Variants in ITGA1 observed in about 807,000 individuals in gnomAD.
ITGA1 encodes integrin alpha-1.
ITGA1 carries 85 observed loss-of-function variants against 145.9 expected under a neutral mutation model. That is an observed-to-expected ratio of 0.58 (90% CI 0.49 to 0.70). The LOEUF is 0.70. Among genes scored for constraint, ITGA1 ranks in the 30% least tolerant of loss-of-function variants. The probability of loss-of-function intolerance (pLI) is 0.00; values close to 1 mark genes in which losing one functional copy is unlikely to be tolerated. For synonymous variants in ITGA1, 520 were observed against 495.3 expected (o/e 1.05, Z -0.66); for missense variants, 1,351 against 1,418.7 (o/e 0.95, Z 0.77).
chr5:52,938,769 A>G (rs1751009083), intron 24 of ITGA1, among the ~76,000 whole-genome samples: 1 of 152,180 alleles, frequency 6.6e-6, no homozygotes, highest in Non-Finnish European at 1.5e-5. Context: ...TCTACCTCCC[A>G]TGTAGACTGA....
In ITGA1 at chr5:52,959,126, G is replaced by A. The variant is rs1025008643; in HGVS notation, c.*6675G>A. 6.6e-6 allele frequency: 1 copy of A among 152,056 alleles called. No homozygotes were observed. The highest frequency in any genetic ancestry group is 1.5e-5 in the Non-Finnish European group (1 of 67,990). 9.4% of individuals were successfully genotyped at this position (152,056 alleles called of 1,614,324 possible). On this transcript the variant is annotated 3_prime_UTR_variant, in exon 29 of 29. Transcript: ENST00000282588. ...ATTTTTGTATAATTCTGTCTTATCTGGTGCATCAGCTGTGTATTTTACGTC... is the reference window on the plus strand; with the variant it reads ...ATTTTTGTATAATTCTGTCTTATCTAGTGCATCAGCTGTGTATTTTACGTC...
At chr5:52,919,878 T>G (rs1036118913) in intron 16 of ITGA1, among the ~76,000 whole-genome samples, 2 of 152,136 alleles carry the variant, frequency 1.3e-5, no homozygotes. Context: ...AATGTCATTT[T>G]ATATATAAAT....
chr5:52,879,970 A>C, intron 6 of ITGA1, among the ~76,000 whole-genome samples: 1 of 152,336 alleles, frequency 6.6e-6, no homozygotes, highest in Non-Finnish European at 1.5e-5. Flanking sequence ...ATTTTTTACA[A>C]AATATGATAT....
rs768799490 is a variant in ITGA1, at chr5:52,933,931, G to A, written c.2899G>A (p.Glu967Lys). The A allele has an allele frequency of 5.9e-6, 9 of 1,537,684 alleles. No homozygotes were observed. Among genetic ancestry groups the A allele is most frequent in the Non-Finnish European group, 7.9e-6 (9 of 1,138,472 alleles). The change falls in exon 23 of 29, where the codon GAG (glutamate) becomes AAG (lysine). Residue 967 changes from glutamate to lysine, a missense_variant. Transcript: ENST00000282588. ...ATACCACATTTCAATTGCTGCCAAT[G>A]AGACAGTCCCTGAAGTTATTAATTC... ...SEYHISIAAN[E>K]TVPEVINSTE...
At chr5:52,818,450 G>A (rs889287420) in intron 1 of ITGA1, among the ~76,000 whole-genome samples, 3 of 152,194 alleles carry the variant, frequency 2.0e-5, no homozygotes, top group Non-Finnish European at 2.9e-5. Context: ...TTCCTGGGAA[G>A]TATATTCAAG....
At chr5:52,884,352 C>A (rs1234482076) in intron 7 of ITGA1, among the ~76,000 whole-genome samples, 1 of 151,354 alleles carries the variant, frequency 6.6e-6, no homozygotes, top group Non-Finnish European at 1.5e-5. Context: ...GAGGCTGAGG[C>A]AGGAGAAGCG....
At chr5:52,894,703 G>A (rs1249550189) in intron 9 of ITGA1, among the ~76,000 whole-genome samples, 1 of 152,006 alleles carries the variant, frequency 6.6e-6, no homozygotes, top group East Asian at 1.9e-4. Flanking sequence ...TCCTTGTGAG[G>A]ACACACTGAA....
chr5:52,814,359 A>G (rs1471976146), intron 1 of ITGA1, among the ~76,000 whole-genome samples: 1 of 152,076 alleles, frequency 6.6e-6, no homozygotes, highest in Non-Finnish European at 1.5e-5. Flanking sequence ...GCTGGTCTCA[A>G]ACTTCTAACC....
At chr5:52,809,147 T>A (rs1748644519) in intron 1 of ITGA1, among the ~76,000 whole-genome samples, 1 of 152,198 alleles carries the variant, frequency 6.6e-6, no homozygotes, top group African/African-American at 2.4e-5. Context: ...TCTTCCTGCC[T>A]TTCTTCTTCT....
In ITGA1 at chr5:52,925,388, G is replaced by T; in HGVS notation, c.2514G>T (p.Lys838Asn). 1.9e-6 allele frequency: 3 copies of T among 1,614,040 alleles called. No individual in the cohort carries two copies. The highest frequency in any genetic ancestry group is 2.2e-5 in the South Asian group (2 of 91,084). Residue 838 changes from lysine (K) to asparagine (N), a missense_variant, in exon 19 of 29, where the codon AAG becomes AAT. Coordinates refer to ENST00000282588, the MANE Select transcript of ITGA1 (RefSeq NM_181501.2). ...TGATTGTCCGATCCCAGAATGATAA[G>T]TTCAACGTTAGCCTCACAGTCAAAA... is the stretch of plus-strand genomic sequence containing the variant. The part of the protein sequence containing the change: ...DLLIVRSQND[K>N]FNVSLTVKNT...
chr5:52,870,022 C>T (rs1749754335), intron 6 of ITGA1, among the ~76,000 whole-genome samples: 2 of 152,258 alleles, frequency 1.3e-5, no homozygotes, highest in East Asian at 3.9e-4. Flanking sequence ...GAAAAGAAAT[C>T]CTGTCATAGA....
rs893082836 is a variant in ITGA1 at position 52,952,684 on chromosome 5, A to G, written c.*233A>G. 4.4e-6 allele frequency: 1 copy of G among 227,722 alleles called. No homozygotes were observed. Among genetic ancestry groups the G allele is most frequent in the African/African-American group, 2.3e-5 (1 of 44,214 alleles). The allele number at this position is 227,722 out of a possible 1,614,324, so 14.1% of individuals were successfully genotyped here. On this transcript the variant is annotated 3_prime_UTR_variant, in exon 29 of 29. Coordinates refer to ENST00000282588, the MANE Select transcript of ITGA1 (RefSeq NM_181501.2). ...ACATAATTACTCATTTTTGTTGAGT[A>G]AGCAAAATTACAAAGTGTTTTTAAA...
chr5:52,828,458 T>C (rs923954073), intron 1 of ITGA1, among the ~76,000 whole-genome samples: 1 of 152,312 alleles, frequency 6.6e-6, no homozygotes, highest in Non-Finnish European at 1.5e-5. Context: ...TGTAACTTAT[T>C]TGGAGAAATC....
rs758917813 is a variant in ITGA1, at chr5:52,887,938, T to C, written c.897T>C (p.Asp299=). ...AGAAGGTCATCCAAGACTGTGAAGA[T>C]GAAAACATTCAACGGTTTTCCATAG... ...RLKKVIQDCE[D]ENIQRFSIAI... is the part of the protein sequence containing the mutation. The change falls in exon 8 of 29, where the codon GAT becomes GAC. Residue 299 remains aspartate (D), a synonymous_variant. Transcript: ENST00000282588. 1 of 1,613,694 alleles carries C rather than the reference T, an allele frequency of 6.2e-7. No homozygotes were observed. Among genetic ancestry groups the C allele is most frequent in the Non-Finnish European group, 8.5e-7 (1 of 1,179,694 alleles).
chr5:52,865,999 A>AT (rs925652269), intron 6 of ITGA1, among the ~76,000 whole-genome samples, 182 bp downstream of exon 6: 23 of 126,686 alleles, frequency 1.8e-4, no homozygotes, highest in Non-Finnish European at 3.1e-4. Context: ...GTTATTTTCT[A>AT]TTTTTTTCTT....
At position 52,931,935 on chromosome 5, in the gene ITGA1, C is replaced by CTTTTTT. The variant is rs1750898503; in HGVS notation, c.2772-110_2772-109insTTTTTT. On this transcript the variant is annotated intron_variant, in intron 21 of 28. Coordinates refer to ENST00000282588, the MANE Select transcript of ITGA1 (RefSeq NM_181501.2). ...TAAAAAAATGATTAAAAATTATACT[C>CTTTTTT]TTACATGCTTTTATTTAGTTGCCAG... 1.6e-5 allele frequency: 10 copies of CTTTTTT among 632,514 alleles called. No homozygotes were observed. The Admixed American group carries it at 2.9e-4, about 18-fold the overall frequency. 39.2% of individuals were successfully genotyped at this position (632,514 alleles called of 1,614,324 possible).
intron 2 of ITGA1, among the ~76,000 whole-genome samples, chr5:52,854,869 T>A (rs1749482897): frequency 6.6e-6 from 1 of 152,204 alleles, no homozygotes; most frequent in South Asian, 2.1e-4. Flanking sequence ...TTGATGATCC[T>A]TGAGTTGATC....
chr5:52,854,592 T>G lies in ITGA1; in HGVS notation c.182+5107T>G, dbSNP rs61126266. On this transcript the variant is annotated intron_variant, in intron 2 of 28. Coordinates refer to ENST00000282588, the MANE Select transcript of ITGA1 (RefSeq NM_181501.2). Reference sequence around the variant, plus strand: ...TGGCACTCTGAGAGTGACTTTGGCTTGAACTATGTATTAGACATCAAGGCA... The same window carrying G: ...TGGCACTCTGAGAGTGACTTTGGCTGGAACTATGTATTAGACATCAAGGCA... 2.9e-3 allele frequency among the ~76,000 whole-genome samples: 440 copies of G among 152,278 alleles called. 2 individuals carry two copies. The highest frequency in any genetic ancestry group is 0.01 in the African/African-American group (425 of 41,552).
chr5:52,872,397 A>C (rs1476573387), intron 6 of ITGA1, among the ~76,000 whole-genome samples: 1 of 152,090 alleles, frequency 6.6e-6, no homozygotes, highest in African/African-American at 2.4e-5. Context: ...AGGCACTAGA[A>C]TAATCATTCC....
Sources: gnomAD v4.1 joint callset for allele counts (sites outside exome capture counted in the v4.1 genomes callset) on GRCh38, gnomAD v4.1.1 for gene constraint, MANE v1.5 for transcripts, NCBI Gene and HGNC (gene_info 2026-07-23, HGNC 2026-07-21) for gene names.